The following NRXN3 variants were observed in gnomAD, a reference collection of about 807,000 sequenced individuals.
NRXN3 encodes the protein neurexin 3.
A neutral mutation model predicts 137.6 loss-of-function variants in NRXN3; 32 were observed. The observed-to-expected ratio is 0.23, with a 90% CI of 0.18 to 0.31. NRXN3 has a LOEUF of 0.31. Ranked by LOEUF, NRXN3 falls within the 10% of genes least tolerant of loss-of-function variation. The pLI is 1.00. For missense variants in NRXN3, 1,574 were observed against 2,062.5 expected, an observed-to-expected ratio of 0.76 and a Z score of 4.59; for synonymous variants, 798 against 784.5, an observed-to-expected ratio of 1.02 and a Z score of -0.29.
At chr14:79,843,168 G>A (rs1380799851) in intron 20 of NRXN3, among the ~76,000 whole-genome samples, 1 of 151,990 alleles carries the variant, frequency 6.6e-6, no homozygotes, top group Non-Finnish European at 1.5e-5. Flanking sequence ...AATATAGGTC[G>A]GGTTTGGTTC....
chr14:79,265,594 A>C (rs1325040679), intron 15 of NRXN3, among the ~76,000 whole-genome samples: 1 of 152,186 alleles, frequency 6.6e-6, no homozygotes, highest in African/African-American at 2.4e-5. Context: ...CAGACTCACC[A>C]AGAATGTATG....
intron 8 of NRXN3, among the ~76,000 whole-genome samples, chr14:78,753,234 AC>A (rs1353122863): frequency 2.6e-5 from 4 of 152,000 alleles, no homozygotes; most frequent in Non-Finnish European, 5.9e-5. Context: ...TGTCTCAAGC[AC>A]TCTTTTAGTT....
intron 4 of NRXN3, among the ~76,000 whole-genome samples, chr14:78,449,852 A>G (rs148236559): frequency 6.6e-6 from 1 of 152,336 alleles, no homozygotes; most frequent in East Asian, 1.9e-4. Flanking sequence ...AAAGTCAATG[A>G]TGGTATAAAT....
intron 15 of NRXN3, among the ~76,000 whole-genome samples, chr14:79,371,785 A>G (rs1454333117): frequency 5.3e-5 from 8 of 152,098 alleles, no homozygotes; most frequent in Admixed American, 5.2e-4. Flanking sequence ...TGCCCATTTT[A>G]TTTGAGGATA....
intron 16 of NRXN3, among the ~76,000 whole-genome samples, chr14:79,656,584 G>A (rs1391674553): frequency 2.7e-5 from 4 of 150,212 alleles, no homozygotes; most frequent in Non-Finnish European, 5.9e-5. Flanking sequence ...GGTTCCTGAT[G>A]TCCTAAGCTG....
At chr14:79,637,289 ATAT>A (rs201895873) in intron 16 of NRXN3, among the ~76,000 whole-genome samples, 1 of 152,162 alleles carries the variant, frequency 6.6e-6, no homozygotes, top group Non-Finnish European at 1.5e-5. Context: ...AGAAGAATTG[ATAT>A]TATTATTATT....
intron 4 of NRXN3, among the ~76,000 whole-genome samples, chr14:78,619,246 G>C (rs1026727999): frequency 6.6e-6 from 1 of 152,206 alleles, no homozygotes; most frequent in East Asian, 1.9e-4. Context: ...TCATTTAGAC[G>C]GCCTTGCTTC....
chr14:79,389,335 A>C (rs2094759927), intron 15 of NRXN3, among the ~76,000 whole-genome samples: 1 of 152,196 alleles, frequency 6.6e-6, no homozygotes, highest in African/African-American at 2.4e-5. Context: ...AGAGAGAACA[A>C]AAGGTGTCTA....
intron 10 of NRXN3, among the ~76,000 whole-genome samples, chr14:78,813,426 G>A (rs1380109989): frequency 3.3e-5 from 5 of 152,128 alleles, no homozygotes; most frequent in African/African-American, 1.2e-4. Flanking sequence ...TGGGTTTGAG[G>A]GAGAGGAGGT....
At chr14:78,444,257 G>A (rs1416683014) in intron 4 of NRXN3, among the ~76,000 whole-genome samples, 2 of 152,180 alleles carry the variant, frequency 1.3e-5, no homozygotes, top group East Asian at 3.9e-4. Flanking sequence ...TTACAGATGA[G>A]GAAACAGGCT....
At chr14:79,315,519 C>T (rs912587855) in intron 15 of NRXN3, among the ~76,000 whole-genome samples, 2 of 152,034 alleles carry the variant, frequency 1.3e-5, no homozygotes, top group African/African-American at 4.8e-5. Flanking sequence ...CAAAGCTCAC[C>T]AGGAGAAAAG....
chr14:78,200,812 C>G (rs968937625), intron 1 of NRXN3, among the ~76,000 whole-genome samples: 1 of 152,186 alleles, frequency 6.6e-6, no homozygotes, highest in African/African-American at 2.4e-5. Flanking sequence ...ATGCAAAGAA[C>G]CTTCCCCAGA....
Position 78,966,308 on chromosome 14 carries a change from G to T in NRXN3, c.2679G>T (p.Met893Ile), listed in dbSNP as rs2099417190. Residue 893 changes from methionine (M) to isoleucine (I), a missense_variant, in exon 12 of 21, where the codon ATG becomes ATT. Met to Ile is a conservative substitution (Grantham distance 10, BLOSUM62 1). Around this residue, in one of 5 missense-constraint regions of NRXN3, gnomAD observed 718 missense variants for 887.6 expected, o/e 0.81. Transcript: ENST00000335750. ...SLATLQAYTS[M>I]HLFFQFKTTS... ...CCACTCTTCAGGCTTACACCTCCAT[G>T]CACCTCTTCTTCCAGTTCAAGACCA... 6.2e-7 allele frequency: 1 copy of T among 1,614,116 alleles called. No individual in the cohort carries two copies. Among genetic ancestry groups the T allele is most frequent in the South Asian group, 1.1e-5 (1 of 91,082 alleles).
intron 1 of NRXN3, among the ~76,000 whole-genome samples, chr14:78,210,690 GCCCC>G (rs2062659679): frequency 6.6e-6 from 1 of 151,538 alleles, no homozygotes; most frequent in Admixed American, 6.6e-5. Flanking sequence ...CCCACCCCTG[GCCCC>G]AGGCAACCAC....
chr14:79,277,980 T>G (rs1054295397), intron 15 of NRXN3, among the ~76,000 whole-genome samples: 6 of 152,186 alleles, frequency 3.9e-5, no homozygotes, highest in African/African-American at 1.4e-4. Context: ...GCAAATCACC[T>G]GTAGGTTTGG....
intron 15 of NRXN3, among the ~76,000 whole-genome samples, chr14:79,192,797 G>A: frequency 8.3e-6 from 1 of 121,122 alleles, no homozygotes; most frequent in Admixed American, 1.1e-4. Context: ...TTGAGACAGA[G>A]TCTCGCTCTG....
At chr14:78,862,665 A>G (rs1468548159) in intron 10 of NRXN3, among the ~76,000 whole-genome samples, 1 of 152,188 alleles carries the variant, frequency 6.6e-6, no homozygotes, top group African/African-American at 2.4e-5. Context: ...ATGTCCTATC[A>G]TATGCAAGAT....
chr14:79,752,570 A>G (rs2099001967), intron 19 of NRXN3, among the ~76,000 whole-genome samples: 1 of 152,246 alleles, frequency 6.6e-6, no homozygotes, highest in South Asian at 2.1e-4. Flanking sequence ...AATTAATTCA[A>G]GATGGATTAA....
intron 4 of NRXN3, among the ~76,000 whole-genome samples, chr14:78,591,567 C>G (rs1279104292): frequency 6.6e-6 from 1 of 152,142 alleles, no homozygotes; most frequent in Non-Finnish European, 1.5e-5. Context: ...ACTAGAAAGA[C>G]TCTCCCTGGT....
Sources: gnomAD v4.1 joint callset for allele counts (sites outside exome capture counted in the v4.1 genomes callset) on GRCh38, gnomAD v4.1.1 for gene constraint, gnomAD v4.1.1 regional missense constraint, MANE v1.5 for transcripts, NCBI Gene and HGNC (gene_info 2026-07-23, HGNC 2026-07-21) for gene names.